The following AP3D1 variants were observed in gnomAD, a reference collection of about 807,000 sequenced individuals.
AP3D1 encodes adaptor related protein complex 3 subunit delta 1.
A neutral mutation model predicts 147.6 loss-of-function variants in AP3D1; 51 were observed. The ratio of observed to expected loss-of-function variants is 0.35; its 90% CI spans 0.28 to 0.44. AP3D1 has a LOEUF of 0.44. AP3D1 is among the 20% of genes least tolerant of loss of function. AP3D1 has a pLI of 1.00. For synonymous variants in AP3D1, 760 were observed against 663.0 expected (o/e 1.15, Z -2.25); for missense variants, 1,421 against 1,624.2 (o/e 0.87, Z 2.15).
At chr19:2,131,622 G>A (rs962495321) in intron 5 of AP3D1, among the ~76,000 whole-genome samples, 6 of 142,390 alleles carry the variant, frequency 4.2e-5, no homozygotes, top group Admixed American at 3.4e-4. Flanking sequence ...CGGGGACAGC[G>A]CCCATCGGCC....
intron 1 of AP3D1, 29 bp downstream of exon 1, chr19:2,151,210 C>T (rs779295539): frequency 2.5e-6 from 4 of 1,597,132 alleles, no homozygotes; most frequent in Non-Finnish European, 3.4e-6. Flanking sequence ...GTGACCAGGC[C>T]GAGCAGCCCC....
intron 4 of AP3D1, 52 bp from the exon 5 acceptor site, chr19:2,132,630 C>T (rs771726292): frequency 1.3e-5 from 20 of 1,525,334 alleles, no homozygotes; most frequent in East Asian, 1.1e-4. Context: ...GTGGCACATC[C>T]GACGCCTGGG....
At position 2,123,385 on chromosome 19, in the gene AP3D1, T is replaced by G. The variant is rs781264828; in HGVS notation, c.928A>C (p.Ile310Leu). Residue 310 changes from isoleucine to leucine, a missense_variant, in exon 11 of 32, where the codon ATA becomes CTA. Physicochemically the swap from Ile to Leu is conservative, Grantham distance 5. Transcript: ENST00000643116. Reference protein sequence around the residue: ...SIQLCVQKLRILIEDSDQNLK... With the variant: ...SIQLCVQKLRLLIEDSDQNLK... ...TTCTGATCGGAGTCCTCGATCAATA[T>G]CCTTAATTTCTGAACACAAAGCTGA... The G allele has an allele frequency of 1.9e-6, 3 of 1,613,924 alleles. No homozygotes were observed. Among genetic ancestry groups the G allele is most frequent in the Admixed American group, 3.3e-5 (2 of 60,004 alleles).
chr19:2,120,781 G>C (rs994725137), intron 14 of AP3D1, 81 bp downstream of exon 14: 39 of 1,398,878 alleles, frequency 2.8e-5, no homozygotes, highest in Admixed American at 2.1e-4. Context: ...ACGGTAGGAA[G>C]GATCTGCCAG....
chr19:2,137,208 C>G, intron 3 of AP3D1, 117 bp from the exon 4 acceptor site: 1 of 867,558 alleles, frequency 1.2e-6, no homozygotes, highest in Non-Finnish European at 1.8e-6. Flanking sequence ...CACCCTGCAG[C>G]CTGGACGCTG....
rs2018905586 is a variant in AP3D1 at position 2,130,414 on chromosome 19, C to T, written c.586G>A (p.Asp196Asn). ...TTAACTCAAATCCACAAACCGGGGTCGGGGTCCTCCAGCTTCTCCTTCAGC... is the reference window on the plus strand; with the variant it reads ...TTAACTCAAATCCACAAACCGGGGTTGGGGTCCTCCAGCTTCTCCTTCAGC... ...PRLKEKLEDP[D>N]PGVQSAAVNV... Residue 196 changes from aspartate to asparagine, a missense_variant, in exon 6 of 32, where the codon GAC (aspartate) becomes AAC (asparagine). Coordinates refer to ENST00000643116, the MANE Select transcript of AP3D1 (RefSeq NM_001261826.3). 8 of 1,613,914 alleles carry T rather than the reference C, an allele frequency of 5.0e-6. No homozygotes were observed. Among genetic ancestry groups the T allele is most frequent in the Non-Finnish European group, 6.8e-6 (8 of 1,180,000 alleles).
chr19:2,139,120 T>C (rs1344753443), intron 1 of AP3D1, among the ~76,000 whole-genome samples: 3 of 142,952 alleles, frequency 2.1e-5, no homozygotes, highest in Non-Finnish European at 3.0e-5. Context: ...GAGCACACCG[T>C]GTAATCCATT....
At position 2,118,522 on chromosome 19, in the gene AP3D1, C is replaced by T. The variant is rs747744971; in HGVS notation, c.1713+79G>A. 31 of 1,361,826 alleles carry T rather than the reference C, an allele frequency of 2.3e-5. No individual in the cohort carries two copies. The East Asian group carries it at 3.6e-4, about 16-fold the overall frequency. 84.4% of individuals were successfully genotyped at this position (1,361,826 alleles called of 1,614,324 possible). A position where few individuals can be genotyped will look rare whatever the true frequency, so the allele number is the denominator to read the frequency against. The stretch of plus-strand genomic sequence containing the variant: ...GGCTTCGGAAGAGGAAGCGAGGCCC[C>T]GTCGACCTGGCCGCCACTGGACAGA... On this transcript the variant is annotated intron_variant, in intron 15 of 31. Coordinates refer to ENST00000643116, the MANE Select transcript of AP3D1 (RefSeq NM_001261826.3).
At position 2,137,795 on chromosome 19, in the gene AP3D1, C is replaced by T; in HGVS notation, c.205G>A (p.Gly69Arg). ...AAGGCGGCCCAGCTGATGTCGTATC[C>T]CAACATCTGTAACTGTTAAGGGACG... Reference protein sequence around the residue: ...VCKLTYLQMLGYDISWAAFNI... With the variant: ...VCKLTYLQMLRYDISWAAFNI... Residue 69 changes from glycine (G) to arginine (R), a missense_variant, in exon 3 of 32, where the codon GGA (glycine) becomes AGA (arginine). Gly to Arg is a moderately radical substitution (Grantham distance 125). Coordinates refer to ENST00000643116, the MANE Select transcript of AP3D1 (RefSeq NM_001261826.3). The T allele has an allele frequency of 6.2e-7, 1 of 1,613,968 alleles. No individual in the cohort carries two copies. The highest frequency in any genetic ancestry group is 8.5e-7 in the Non-Finnish European group (1 of 1,179,948).
intron 1 of AP3D1, among the ~76,000 whole-genome samples, chr19:2,148,970 T>C (rs1025891651): frequency 2.6e-5 from 4 of 151,722 alleles, no homozygotes; most frequent in African/African-American, 4.8e-5. Context: ...GTCTATAGGA[T>C]AGCTGCTTTT....
chr19:2,130,615 CACAGAGAGGAG>C, intron 5 of AP3D1, 78 bp from the exon 6 acceptor site: 1 of 1,586,178 alleles, frequency 6.3e-7, no homozygotes, highest in Non-Finnish European at 8.6e-7. Flanking sequence ...CCGCCTCCTC[CACAGAGAGGAG>C]ATGCCCTCCA....
chr19:2,110,608 TG>T, intron 27 of AP3D1, 98 bp downstream of exon 27: 2 of 1,277,412 alleles, frequency 1.6e-6, no homozygotes, highest in Non-Finnish European at 2.1e-6. Flanking sequence ...AAAGGGGACA[TG>T]GGGAGGAAGC....
chr19:2,123,846 T>A lies in AP3D1; in HGVS notation c.890A>T (p.His297Leu). The A allele has an allele frequency of 1.9e-6, 3 of 1,576,996 alleles. No individual in the cohort carries two copies. The highest frequency in any genetic ancestry group is 2.6e-6 in the Non-Finnish European group (3 of 1,161,608). The change falls in exon 10 of 32, where the codon CAC becomes CTC. Residue 297 changes from histidine (H) to leucine (L), a missense_variant. By Grantham distance (99) the His-to-Leu change is moderately conservative. Transcript: ENST00000643116. Reference sequence around the variant, plus strand: ...GGGACGTACCTGGATGCTGGCGCTGTGGTTGGGCATGCCGGAGGACAGCGA... The same window carrying A: ...GGGACGTACCTGGATGCTGGCGCTGAGGTTGGGCATGCCGGAGGACAGCGA... ...LISLSSGMPN[H>L]SASIQLCVQK...
chr19:2,145,922 C>T (rs919031043), intron 1 of AP3D1, among the ~76,000 whole-genome samples: 1 of 152,254 alleles, frequency 6.6e-6, no homozygotes, highest in African/African-American at 2.4e-5. Context: ...ATAAGCAGGG[C>T]AGCTGACACT....
intron 10 of AP3D1, 43 bp from the exon 11 acceptor site, chr19:2,123,449 C>A (rs769368294): frequency 3.7e-6 from 6 of 1,604,508 alleles, no homozygotes; most frequent in Non-Finnish European, 8.5e-7. Flanking sequence ...TCCTCTAAAC[C>A]AAGGGTGAGT....
intron 31 of AP3D1, among the ~76,000 whole-genome samples, chr19:2,106,571 A>G (rs1268293907): frequency 1.3e-5 from 2 of 151,312 alleles, no homozygotes; most frequent in Non-Finnish European, 3.0e-5. Flanking sequence ...AAAAAAAAAC[A>G]AAAGTACTGA....
Position 2,120,933 on chromosome 19 carries a change from G to T in AP3D1, c.1410C>A (p.Ala470=). 2.5e-6 allele frequency: 4 copies of T among 1,611,886 alleles called. No individual in the cohort carries two copies. The highest frequency in any genetic ancestry group is 3.4e-6 in the Non-Finnish European group (4 of 1,180,002). ...AGATCCCGTTCCGCTGGGTGCTGCT[G>T]GCCAGCAGGTGTGCACTGTCAAGCA... ...SALLDSAHLL[A]SSTQRNGICE... Residue 470 remains alanine (A), a synonymous_variant, in exon 14 of 32, where the codon GCC becomes GCA. Coordinates refer to ENST00000643116, the MANE Select transcript of AP3D1 (RefSeq NM_001261826.3).
chr19:2,114,890 G>T, intron 20 of AP3D1, 69 bp from the exon 21 acceptor site: 1 of 1,514,890 alleles, frequency 6.6e-7, no homozygotes, highest in South Asian at 1.1e-5. Flanking sequence ...CATCTATCTG[G>T]GACGCAGTGG....
At chr19:2,152,723 A>G (rs1486527902), upstream of AP3D1, among the ~76,000 whole-genome samples, 1 of 151,302 alleles carries the variant, frequency 6.6e-6, no homozygotes, top group African/African-American at 2.4e-5. Flanking sequence ...TAAAAATACA[A>G]AAATTAGCCG....
Sources: allele counts gnomAD v4.1 joint callset (sites outside exome capture counted in the v4.1 genomes callset), GRCh38; gene constraint gnomAD v4.1.1; transcripts MANE v1.5; gene names NCBI Gene and HGNC (gene_info 2026-07-23, HGNC 2026-07-21).